DGKH: variants seen among roughly 807,000 people sequenced by gnomAD.
DGKH encodes the protein DAG kinase eta.
In DGKH, 90 loss-of-function variants were observed where a neutral mutation model predicts 159.3. The observed-to-expected ratio is 0.57, with a 90% CI of 0.48 to 0.67. The LOEUF is 0.67. Ranked by LOEUF, DGKH falls within the 30% of genes least tolerant of loss-of-function variation. The pLI, the probability that DGKH is intolerant of heterozygous loss-of-function variation, is 0.00. For missense variants in DGKH, 1,181 were observed against 1,506.1 expected (o/e 0.78, Z 3.57); for synonymous variants, 536 against 553.8 (o/e 0.97, Z 0.45).
Position 42,174,052 on chromosome 13 carries a change from C to G in DGKH, c.1368-8C>G, listed in dbSNP as rs751476787. ...AAATCTTTGACCAAAGAGTTTTTCT[C>G]CCTTCAGGTGGAGTATAATGACATA... On this transcript the variant is annotated splice_polypyrimidine_tract_variant and splice_region_variant and intron_variant, in intron 11 of 29. Coordinates refer to ENST00000337343, the MANE Select transcript of DGKH (RefSeq NM_178009.5). The G allele has an allele frequency of 6.2e-7, 1 of 1,610,004 alleles. No homozygotes were observed. The highest frequency in any genetic ancestry group is 2.2e-5 in the East Asian group (1 of 44,836).
chr13:42,163,320 C>T (rs1956237373), intron 7 of DGKH, among the ~76,000 whole-genome samples: 1 of 152,138 alleles, frequency 6.6e-6, no homozygotes, highest in Admixed American at 6.5e-5. Flanking sequence ...CCGCAATAAA[C>T]ATACGTGTGC....
intron 3 of DGKH, chr13:42,140,746 T>C (rs1021917628): frequency 6.6e-6 from 1 of 152,098 alleles, no homozygotes; most frequent in Non-Finnish European, 1.5e-5. Context: ...TGAAGGCTCT[T>C]TAGTCCTGTA....
In DGKH at chr13:42,174,067, A is replaced by G; in HGVS notation, c.1375A>G (p.Ile459Val). The change falls in exon 12 of 30, where the codon ATA becomes GTA. Residue 459 changes from isoleucine (I) to valine (V), a missense_variant. By Grantham distance (29) the Ile-to-Val change is conservative. This residue lies in a region of DGKH where 369 missense variants were observed against 519.4 expected (regional missense o/e 0.71). Coordinates refer to ENST00000337343, the MANE Select transcript of DGKH (RefSeq NM_178009.5). ...ASTKMLDRWS[I>V]MTYELKLPPK... ...GAGTTTTTCTCCCTTCAGGTGGAGTATAATGACATATGAACTCAAATTGCC... is the reference window on the plus strand; with the variant it reads ...GAGTTTTTCTCCCTTCAGGTGGAGTGTAATGACATATGAACTCAAATTGCC... The G allele has an allele frequency of 1.9e-6, 3 of 1,613,654 alleles. No homozygotes were observed. The highest frequency in any genetic ancestry group is 1.7e-5 in the Admixed American group (1 of 59,952).
intron 18 of DGKH, 93 bp downstream of exon 18, chr13:42,198,688 A>C: frequency 9.2e-7 from 1 of 1,082,332 alleles, no homozygotes; most frequent in East Asian, 2.4e-5. Context: ...GTATTACAAT[A>C]AATATGGTCC....
chr13:42,131,502 T>A (rs1409585968), intron 3 of DGKH, among the ~76,000 whole-genome samples: 1 of 152,164 alleles, frequency 6.6e-6, no homozygotes, highest in African/African-American at 2.4e-5. Flanking sequence ...AACCAAATAC[T>A]GTTTTCTCAT....
At chr13:42,134,123 G>A (rs670325) in intron 3 of DGKH, among the ~76,000 whole-genome samples, 4,454 of 152,280 alleles carry the variant, frequency 0.029, 221 homozygotes, top group African/African-American at 0.1. Flanking sequence ...GAAAACCTGT[G>A]CTTTGCCTGA....
At chr13:42,151,515 G>GTATATATACACGTGTA (rs1955887132) in intron 3 of DGKH, among the ~76,000 whole-genome samples, 1 of 100,898 alleles carries the variant, frequency 9.9e-6, no homozygotes, top group Admixed American at 1.1e-4. Context: ...GTATACACAT[G>GTATATATACACGTGTA]TATATATATA....
intron 13 of DGKH, chr13:42,181,531 T>C: frequency 4.8e-6 from 1 of 209,144 alleles, no homozygotes. Flanking sequence ...GAGCTTGACA[T>C]CACCCTAGTT....
intron 21 of DGKH, among the ~76,000 whole-genome samples, chr13:42,206,972 A>T (rs1485855826): frequency 9.5e-4 from 55 of 57,774 alleles, no homozygotes; most frequent in African/African-American, 2.9e-3. Flanking sequence ...TGGTACTTTT[A>T]CTTTTTCTTT....
At chr13:42,045,166 G>A (rs1880732422), upstream of DGKH, among the ~76,000 whole-genome samples, 1 of 152,110 alleles carries the variant, frequency 6.6e-6, no homozygotes, top group Non-Finnish European at 1.5e-5. Flanking sequence ...AGCTAGGACT[G>A]GTGATGCATG....
intron 11 of DGKH, among the ~76,000 whole-genome samples, chr13:42,171,197 A>G (rs1350123820): frequency 6.6e-6 from 1 of 152,172 alleles, no homozygotes; most frequent in Non-Finnish European, 1.5e-5. Flanking sequence ...TCTCCTAGAG[A>G]TAGCTAATAT....
rs1011536575 is a variant in DGKH at position 42,094,928 on chromosome 13, T to A, written c.193-32535T>A. 3.9e-5 allele frequency among the ~76,000 whole-genome samples: 6 copies of A among 152,294 alleles called. No homozygotes were observed. In the South Asian group the frequency reaches 1.2e-3, roughly 32 times the overall value. ...CAGAAAACAAATGGGTAGTGGGATA[T>A]GTGTCAGCTAGTTCCCTAACTATAG... On this transcript the variant is annotated intron_variant, in intron 1 of 29. Coordinates refer to ENST00000337343, the MANE Select transcript of DGKH (RefSeq NM_178009.5).
chr13:42,201,821 T>C (rs1957353356), intron 20 of DGKH, among the ~76,000 whole-genome samples: 1 of 152,176 alleles, frequency 6.6e-6, no homozygotes, highest in African/African-American at 2.4e-5. Context: ...AAAAATCTAA[T>C]GGCATGTCTA....
chr13:42,220,892 A>G (rs1433228636), intron 28 of DGKH, among the ~76,000 whole-genome samples: 1 of 152,230 alleles, frequency 6.6e-6, no homozygotes, highest in Non-Finnish European at 1.5e-5. Context: ...ATTTCAGTCT[A>G]TAGCCGTTTT....
exon 31 of DGKH, chr13:42,256,572 AT>A: frequency 1.5e-6 from 1 of 666,968 alleles, no homozygotes. Flanking sequence ...CGTGTATATA[AT>A]TTTTTAAAAA....
rs1336709781 is a variant in DGKH, at chr13:42,236,431, TA to T, written c.*7244del. ...AAATAAGTTTCATGTTTAAAATAAA[TA>T]TTTTTTTAAAATATAAAGCCAAAAT... is the stretch of plus-strand genomic sequence containing the variant. On this transcript the variant is annotated 3_prime_UTR_variant, in exon 30 of 30. Transcript: ENST00000337343. 2.6e-5 allele frequency: 4 copies of T among 152,202 alleles called. No individual in the cohort carries two copies. Among genetic ancestry groups the T allele is most frequent in the African/African-American group, 9.7e-5 (4 of 41,448 alleles). The allele number at this position is 152,202 out of a possible 1,614,324, so 9.4% of individuals were successfully genotyped here.
intron 29 of DGKH, among the ~76,000 whole-genome samples, chr13:42,248,729 T>C (rs529272176): frequency 6.6e-6 from 1 of 151,450 alleles, no homozygotes; most frequent in South Asian, 2.1e-4. Context: ...TTTAGATATG[T>C]TTAGATACAC....
chr13:42,181,675 C>A, intron 13 of DGKH: 2 of 406,286 alleles, frequency 4.9e-6, no homozygotes, highest in South Asian at 1.8e-5. Context: ...TTTAAGCCAC[C>A]CCATTCCCAT....
intron 1 of DGKH, among the ~76,000 whole-genome samples, chr13:42,040,756 G>A (rs1880441921): frequency 6.8e-6 from 1 of 147,552 alleles, no homozygotes; most frequent in Non-Finnish European, 1.5e-5. Flanking sequence ...GCGGGGAGCC[G>A]GGGCGGCGGC....
Sources: gnomAD v4.1 joint callset for allele counts (sites outside exome capture counted in the v4.1 genomes callset) on GRCh38, gnomAD v4.1.1 for gene constraint, gnomAD v4.1.1 regional missense constraint, MANE v1.5 for transcripts, NCBI Gene and HGNC (gene_info 2026-07-23, HGNC 2026-07-21) for gene names.